The following ZFYVE16 variants were observed in gnomAD, a reference collection of about 807,000 sequenced individuals.
ZFYVE16 encodes zinc finger FYVE-type containing 16.
Under a neutral mutation model 138.1 loss-of-function variants are expected in ZFYVE16, and 89 were observed. The observed-to-expected ratio is 0.64, with a 90% CI of 0.54 to 0.77. ZFYVE16 has a LOEUF of 0.77. Among genes scored for constraint, ZFYVE16 ranks in the 30% least tolerant of loss-of-function variants. ZFYVE16 has a pLI of 0.00. For synonymous variants in ZFYVE16, 596 were observed against 618.3 expected (o/e 0.96, Z 0.53); for missense variants, 1,793 against 1,786.7 (o/e 1.00, Z -0.06).
At position 80,423,464 on chromosome 5, in the gene ZFYVE16, A is replaced by T. The variant is rs186859355; in HGVS notation, c.-93-4028A>T. 6.2e-3 allele frequency among the ~76,000 whole-genome samples: 947 copies of T among 152,002 alleles called. 10 individuals carry two copies. The highest frequency in any genetic ancestry group is 0.021 in the African/African-American group (875 of 41,466). ...CTTTTAAAGGAATGAGTTTTTGTTT[A>T]ATTGGTTTCCTCTATTTCTCTATTG... is the stretch of plus-strand genomic sequence containing the variant. On this transcript the variant is annotated intron_variant, in intron 1 of 18. Coordinates refer to ENST00000505560, the MANE Select transcript of ZFYVE16 (RefSeq NM_001284236.3).
chr5:80,465,400 G>GTTTTTTTTTTTTCTTTTTTTTTTTTTTTT (rs1753602857), intron 15 of ZFYVE16, among the ~76,000 whole-genome samples: 2 of 26,780 alleles, frequency 7.5e-5, no homozygotes, highest in Non-Finnish European at 1.5e-4. Flanking sequence ...CCTTTTCTTT[G>GTTTTTTTTTTTTCTTTTTTTTTTTTTTTT]TTTTTTTTTT....
At chr5:80,460,181 A>G (rs1251401078) in intron 15 of ZFYVE16, among the ~76,000 whole-genome samples, 1 of 152,112 alleles carries the variant, frequency 6.6e-6, no homozygotes, top group Non-Finnish European at 1.5e-5. Context: ...ATTTGTGTCA[A>G]TCCTGTAGGT....
chr5:80,435,856 T>A, intron 3 of ZFYVE16: 1 of 245,848 alleles, frequency 4.1e-6, no homozygotes. Flanking sequence ...ATTACAGTTG[T>A]AAGCCACCAT....
chr5:80,457,895 G>A (rs918071205), intron 14 of ZFYVE16, among the ~76,000 whole-genome samples: 3 of 151,144 alleles, frequency 2.0e-5, no homozygotes, highest in East Asian at 1.9e-4. Context: ...GTGTGGTGGC[G>A]GGCGCCTGTA....
intron 1 of ZFYVE16, among the ~76,000 whole-genome samples, chr5:80,420,046 G>C (rs965800818): frequency 6.6e-6 from 1 of 150,540 alleles, no homozygotes; most frequent in Non-Finnish European, 1.5e-5. Context: ...TCCTGACCTC[G>C]TGATCTGCCC....
intron 1 of ZFYVE16, among the ~76,000 whole-genome samples, chr5:80,411,116 T>A (rs1745389377): frequency 6.7e-6 from 1 of 148,158 alleles, no homozygotes; most frequent in Non-Finnish European, 1.5e-5. Flanking sequence ...TACAGGCACG[T>A]GCCACCACGC....
intron 2 of ZFYVE16, among the ~76,000 whole-genome samples, chr5:80,433,093 A>G (rs1345270782): frequency 1.3e-5 from 2 of 152,200 alleles, no homozygotes; most frequent in Non-Finnish European, 2.9e-5. Flanking sequence ...CTGGGTATAT[A>G]CCCAAAGGAC....
chr5:80,437,425 C>G lies in ZFYVE16; in HGVS notation c.740C>G (p.Ala247Gly), dbSNP rs1750088139. 6.2e-7 allele frequency: 1 copy of G among 1,604,134 alleles called. No individual in the cohort carries two copies. Among genetic ancestry groups the G allele is most frequent in the East Asian group, 2.2e-5 (1 of 44,822 alleles). Reference protein sequence around the residue: ...ESIVDFNMSSALTRQSSKMFH... With the variant: ...ESIVDFNMSSGLTRQSSKMFH... The stretch of plus-strand genomic sequence containing the variant: ...ATTGTTGATTTTAACATGTCATCTG[C>G]TTTGACTCGACAAAGTTCCAAAATG... Residue 247 changes from alanine (A) to glycine (G), a missense_variant, in exon 4 of 19, where the codon GCT (alanine) becomes GGT (glycine). By Grantham distance (60) the Ala-to-Gly change is moderately conservative (BLOSUM62 0). This residue lies in a region of ZFYVE16 where 1,295 missense variants were observed against 1,204.3 expected (regional missense o/e 1.08). Coordinates refer to ENST00000505560, the MANE Select transcript of ZFYVE16 (RefSeq NM_001284236.3).
At chr5:80,414,738 A>G (rs1261310090) in intron 1 of ZFYVE16, among the ~76,000 whole-genome samples, 1 of 152,216 alleles carries the variant, frequency 6.6e-6, no homozygotes, top group African/African-American at 2.4e-5. Context: ...GTTCAACAGC[A>G]AATATAATAA....
chr5:80,416,589 C>T (rs1471374572), intron 1 of ZFYVE16, among the ~76,000 whole-genome samples: 1 of 148,940 alleles, frequency 6.7e-6, no homozygotes, highest in African/African-American at 2.5e-5. Flanking sequence ...TTGGGTTATA[C>T]TTCAGTACTG....
chr5:80,409,937 TC>T (rs1024791282), intron 1 of ZFYVE16: 32 of 152,286 alleles, frequency 2.1e-4, no homozygotes, highest in African/African-American at 7.5e-4. Flanking sequence ...TAGTGTTTTT[TC>T]TGTAAGTAGA....
At position 80,455,031 on chromosome 5, in the gene ZFYVE16, T is replaced by C. The variant is rs1752379741; in HGVS notation, c.3608-661T>C. The C allele has an allele frequency of 3.9e-5, 6 of 152,234 alleles. 1 individual carries two copies. The South Asian group carries it at 1.2e-3, about 32-fold the overall frequency. The allele number at this position is 152,234 out of a possible 1,614,324, so 9.4% of individuals were successfully genotyped here. A position where few individuals can be genotyped will look rare whatever the true frequency, so the allele number is the denominator to read the frequency against. ...GATGTATAATGAAAAGATGAAATAC[T>C]CTCGAATCAGACAAGCCTAATTTCA... On this transcript the variant is annotated intron_variant, in intron 11 of 18. Transcript: ENST00000505560.
intron 12 of ZFYVE16, chr5:80,455,999 C>T (rs1039739444): frequency 4.3e-6 from 2 of 468,206 alleles, no homozygotes; most frequent in Non-Finnish European, 7.5e-6. Flanking sequence ...ATTCTAAGTG[C>T]CTTTTGATTC....
Position 80,473,768 on chromosome 5 carries a change from T to C in ZFYVE16, c.4202T>C (p.Val1401Ala), listed in dbSNP as rs1279827457. The C allele has an allele frequency of 2.5e-6, 4 of 1,610,970 alleles. No homozygotes were observed. In the African/African-American group the frequency reaches 5.3e-5, roughly 22 times the overall value. ...EKGNKGVISS[V>A]DGISLQGFPS... is the part of the protein sequence containing the mutation. ...TTATTTCATAGAGTTATCAGTTCAG[T>C]GGATGGAATATCATTACAAGGATTT... The change falls in exon 17 of 19, where the codon GTG (valine) becomes GCG (alanine). Residue 1401 changes from valine (V) to alanine (A), a missense_variant. Physicochemically the swap from Val to Ala is moderately conservative, Grantham distance 64. Coordinates refer to ENST00000505560, the MANE Select transcript of ZFYVE16 (RefSeq NM_001284236.3).
chr5:80,437,890 A>G lies in ZFYVE16; in HGVS notation c.1205A>G (p.Glu402Gly). The change falls in exon 4 of 19, where the codon GAA (glutamate) becomes GGA (glycine). Residue 402 changes from glutamate to glycine, a missense_variant. This residue lies in a region of ZFYVE16 where 1,295 missense variants were observed against 1,204.3 expected (regional missense o/e 1.08). Coordinates refer to ENST00000505560, the MANE Select transcript of ZFYVE16 (RefSeq NM_001284236.3). The part of the protein sequence containing the change: ...KARGDFLPQH[E>G]HKDNIQDAVT... ...CGGGGTGATTTTTTACCTCAGCATG[A>G]ACATAAAGATAATATACAAGATGCA... 1 of 1,614,130 alleles carries G rather than the reference A, an allele frequency of 6.2e-7. No individual in the cohort carries two copies. Among genetic ancestry groups the G allele is most frequent in the Non-Finnish European group, 8.5e-7 (1 of 1,179,966 alleles).
rs1750304348 is a variant in ZFYVE16 at position 80,438,753 on chromosome 5, G to A, written c.2068G>A (p.Ala690Thr). The A allele has an allele frequency of 2.5e-6, 4 of 1,614,092 alleles. No individual in the cohort carries two copies. The highest frequency in any genetic ancestry group is 3.4e-6 in the Non-Finnish European group (4 of 1,179,982). ...AGATACCGTTGTTCCAATCACTTGT[G>A]CTATAGATTCTACAGCTGATCCACA... ...TADTVVPITC[A>T]IDSTADPQVS... The change falls in exon 4 of 19, where the codon GCT (alanine) becomes ACT (threonine). Residue 690 changes from alanine to threonine, a missense_variant. Ala to Thr is a moderately conservative substitution (Grantham distance 58). Coordinates refer to ENST00000505560, the MANE Select transcript of ZFYVE16 (RefSeq NM_001284236.3).
chr5:80,466,995 T>C (rs1015524284), intron 15 of ZFYVE16, among the ~76,000 whole-genome samples: 1 of 152,170 alleles, frequency 6.6e-6, no homozygotes, highest in Non-Finnish European at 1.5e-5. Context: ...AGTAAGGGGT[T>C]GGAGCTCCTT....
intron 9 of ZFYVE16, 34 bp from the exon 10 acceptor site, chr5:80,450,397 T>G (rs1288247995): frequency 6.3e-7 from 1 of 1,590,212 alleles, no homozygotes; most frequent in Non-Finnish European, 8.6e-7. Context: ...TAATAGAAGT[T>G]GACATTAATA....
rs1349280867 is a variant in ZFYVE16 at position 80,479,763 on chromosome 5, C to T, written c.*2386C>T. On this transcript the variant is annotated 3_prime_UTR_variant, in exon 19 of 19. Coordinates refer to ENST00000505560, the MANE Select transcript of ZFYVE16 (RefSeq NM_001284236.3). ...CAAGCATGTACCCTTACTCTGACAA[C>T]CTTATGAGTGAGGGGGACAGAAATT... is the stretch of plus-strand genomic sequence containing the variant. 6.6e-6 allele frequency among the ~76,000 whole-genome samples: 1 copy of T among 152,114 alleles called. No homozygotes were observed. Among genetic ancestry groups the T allele is most frequent in the Non-Finnish European group, 1.5e-5 (1 of 68,000 alleles).
Sources: allele counts gnomAD v4.1 joint callset (sites outside exome capture counted in the v4.1 genomes callset), GRCh38; gene constraint gnomAD v4.1.1; regional missense constraint gnomAD v4.1.1; transcripts MANE v1.5; gene names NCBI Gene and HGNC (gene_info 2026-07-23, HGNC 2026-07-21).